GOSR1: variants seen among roughly 807,000 people sequenced by gnomAD.
GOSR1 encodes the protein golgi SNAP receptor complex member 1.
GOSR1 carries 21 observed loss-of-function variants against 35.5 expected under a neutral mutation model. The ratio of observed to expected loss-of-function variants is 0.59; its 90% CI spans 0.42 to 0.85. The LOEUF (loss-of-function observed/expected upper bound fraction) is 0.85. Ranked by LOEUF, GOSR1 falls within the 40% of genes least tolerant of loss-of-function variation. The pLI is 0.00. For synonymous variants in GOSR1, 94 were observed against 106.6 expected, an observed-to-expected ratio of 0.88 and a Z score of 0.73; for missense variants, 285 against 309.6, an observed-to-expected ratio of 0.92 and a Z score of 0.60.
intron 6 of GOSR1, among the ~76,000 whole-genome samples, chr17:30,494,546 A>C (rs183876922): frequency 6.6e-6 from 1 of 152,190 alleles, no homozygotes; most frequent in Admixed American, 6.5e-5. Context: ...TTCTTGAAAA[A>C]GTATCTAGTT....
At chr17:30,509,128 A>C (rs1393638294) in intron 6 of GOSR1, among the ~76,000 whole-genome samples, 1 of 152,116 alleles carries the variant, frequency 6.6e-6, no homozygotes, top group Non-Finnish European at 1.5e-5. Flanking sequence ...GGTGCCCGCC[A>C]CCATGCCCAG....
chr17:30,479,252 G>A (rs1306222111), intron 1 of GOSR1: 2 of 152,134 alleles, frequency 1.3e-5, no homozygotes, highest in African/African-American at 4.8e-5. Flanking sequence ...ATTACCTCTG[G>A]TACTTCTGCC....
chr17:30,499,781 T>G lies in GOSR1; in HGVS notation c.509+7028T>G, dbSNP rs74998573. Among the ~76,000 whole-genome samples, 260 of 152,298 alleles carry G rather than the reference T, an allele frequency of 1.7e-3. 1 individual carries two copies. Among genetic ancestry groups the G allele is most frequent in the African/African-American group, 6.2e-3 (256 of 41,568 alleles). On this transcript the variant is annotated intron_variant, in intron 6 of 8. Coordinates refer to ENST00000451249, the MANE Select transcript of GOSR1 (RefSeq NM_001007025.2). The stretch of plus-strand genomic sequence containing the variant: ...CATTCCTGTCAGTGGTGTGTGGGAG[T>G]TCAAATTGCTTTAAGCCCTTGCCAA...
rs377690910 is a variant in GOSR1 at position 30,511,412 on chromosome 17, T to C, written c.539+503T>C. ...TAGGTTTGATGAATTTTAAAGTATC[T>C]ATTTTATGACAGTAAAAAAGTACAT... On this transcript the variant is annotated intron_variant, in intron 7 of 8. Coordinates refer to ENST00000451249, the MANE Select transcript of GOSR1 (RefSeq NM_001007025.2). Among the ~76,000 whole-genome samples, 100 of 152,350 alleles carry C rather than the reference T, an allele frequency of 6.6e-4. 1 individual carries two copies. Among genetic ancestry groups the C allele is most frequent in the African/African-American group, 2.4e-3 (99 of 41,580 alleles).
chr17:30,492,667 C>T lies in GOSR1; in HGVS notation c.435-12C>T, dbSNP rs1483294344. 6.6e-7 allele frequency: 1 copy of T among 1,516,214 alleles called. No homozygotes were observed. Among genetic ancestry groups the T allele is most frequent in the Non-Finnish European group, 9.1e-7 (1 of 1,095,712 alleles). 93.9% of individuals were successfully genotyped at this position (1,516,214 alleles called of 1,614,324 possible). On this transcript the variant is annotated splice_polypyrimidine_tract_variant and intron_variant, in intron 5 of 8. Coordinates refer to ENST00000451249, the MANE Select transcript of GOSR1 (RefSeq NM_001007025.2). Reference sequence around the variant, plus strand: ...TGCCAAAAATGTTTTTAAATTTTCTCTTTTGTCCCAGGTCATATAAAAGTG... The same window carrying T: ...TGCCAAAAATGTTTTTAAATTTTCTTTTTTGTCCCAGGTCATATAAAAGTG...
chr17:30,520,806 T>C (rs757284905), intron 8 of GOSR1, among the ~76,000 whole-genome samples: 7 of 152,254 alleles, frequency 4.6e-5, no homozygotes, highest in Non-Finnish European at 8.8e-5. Context: ...ACTCTCCTGA[T>C]GTGTGCTGTT....
intron 8 of GOSR1, among the ~76,000 whole-genome samples, 174 bp from the exon 9 acceptor site, chr17:30,522,080 A>G (rs1968057379): frequency 6.6e-6 from 1 of 152,234 alleles, no homozygotes; most frequent in South Asian, 2.1e-4. Flanking sequence ...CTTGAGCCGC[A>G]GCGCGTTCCC....
intron 6 of GOSR1, among the ~76,000 whole-genome samples, chr17:30,494,589 A>C (rs561608251): frequency 1.2e-4 from 18 of 152,030 alleles, no homozygotes; most frequent in African/African-American, 4.1e-4. Context: ...CACCCCAAGA[A>C]TTTCTGCCTT....
At chr17:30,486,303 G>A (rs1914679953) in intron 4 of GOSR1, among the ~76,000 whole-genome samples, 1 of 152,044 alleles carries the variant, frequency 6.6e-6, no homozygotes, top group African/African-American at 2.4e-5. Flanking sequence ...GATCATTTGA[G>A]GTCAGGAGTT....
chr17:30,487,790 C>T (rs140131578), intron 4 of GOSR1, among the ~76,000 whole-genome samples: 9 of 151,512 alleles, frequency 5.9e-5, no homozygotes, highest in African/African-American at 2.2e-4. Flanking sequence ...TTTCTTGAGA[C>T]GGAGTCTCGC....
At chr17:30,519,128 A>AT (rs1052095279) in intron 7 of GOSR1, among the ~76,000 whole-genome samples, 6 of 152,076 alleles carry the variant, frequency 3.9e-5, no homozygotes, top group Admixed American at 3.9e-4. Flanking sequence ...TGGCTCCATC[A>AT]CAGCTCGCTG....
intron 8 of GOSR1, among the ~76,000 whole-genome samples, chr17:30,521,679 C>G (rs1315948719): frequency 6.6e-6 from 1 of 151,956 alleles, no homozygotes; most frequent in Non-Finnish European, 1.5e-5. Context: ...TGCGAAGTAA[C>G]TTTGAAAATA....
intron 6 of GOSR1, among the ~76,000 whole-genome samples, chr17:30,498,113 TTATTATA>T (rs1967066226): frequency 6.6e-6 from 1 of 152,074 alleles, no homozygotes. Context: ...GTCATTAGTC[TTATTATA>T]TATCAGTATA....
chr17:30,485,139 G>T, intron 4 of GOSR1: 1 of 313,632 alleles, frequency 3.2e-6, no homozygotes, highest in Non-Finnish European at 6.2e-6. Flanking sequence ...ATATGGAGGG[G>T]GAATTATTTA....
At chr17:30,500,048 T>C (rs185673693) in intron 6 of GOSR1, among the ~76,000 whole-genome samples, 5 of 152,330 alleles carry the variant, frequency 3.3e-5, no homozygotes, top group African/African-American at 9.6e-5. Context: ...TATTGTGTTA[T>C]AAGGGTTCTT....
chr17:30,516,770 G>A (rs1379300542), intron 7 of GOSR1, among the ~76,000 whole-genome samples: 1 of 152,178 alleles, frequency 6.6e-6, no homozygotes, highest in Non-Finnish European at 1.5e-5. Context: ...CTGGAGTGCA[G>A]TGGCGCGATC....
At chr17:30,481,406 A>G in intron 2 of GOSR1, 149 bp downstream of exon 2, 1 of 504,276 alleles carries the variant, frequency 2.0e-6, no homozygotes, top group Non-Finnish European at 3.6e-6. Flanking sequence ...TTTTTTAGTG[A>G]CTTATTAAAA....
intron 2 of GOSR1, 94 bp downstream of exon 2, chr17:30,481,351 C>A: frequency 1.2e-6 from 1 of 849,876 alleles, no homozygotes; most frequent in Non-Finnish European, 1.8e-6. Flanking sequence ...GTAAGTTGGT[C>A]TATTGGTGAA....
intron 3 of GOSR1, 152 bp downstream of exon 3, chr17:30,484,453 C>A: frequency 1.5e-6 from 1 of 666,190 alleles, no homozygotes; most frequent in South Asian, 1.8e-5. Flanking sequence ...TGATGACAGC[C>A]ATTCTCAGGT....
Sources: allele counts gnomAD v4.1 joint callset (sites outside exome capture counted in the v4.1 genomes callset), GRCh38; gene constraint gnomAD v4.1.1; transcripts MANE v1.5; gene names NCBI Gene and HGNC (gene_info 2026-07-23, HGNC 2026-07-21).